The following SGCZ variants were observed in gnomAD, a reference collection of about 807,000 sequenced individuals.
SGCZ encodes the protein sarcoglycan zeta, also known as zeta-sarcoglycan.
SGCZ carries 40 observed loss-of-function variants against 41.3 expected under a neutral mutation model. The ratio of observed to expected loss-of-function variants is 0.97; its 90% CI spans 0.75 to 1.26. The LOEUF (loss-of-function observed/expected upper bound fraction) is 1.26. Among genes scored for constraint, SGCZ ranks in the 50% most tolerant of loss-of-function variants. SGCZ has a pLI of 0.00. For missense variants in SGCZ, 552 were observed against 369.8 expected, an observed-to-expected ratio of 1.49 and a Z score of -4.04; for synonymous variants, 206 against 137.5, an observed-to-expected ratio of 1.50 and a Z score of -3.49.
intron 1 of SGCZ, among the ~76,000 whole-genome samples, chr8:14,606,881 G>A (rs1216969108): frequency 6.6e-6 from 1 of 152,006 alleles, no homozygotes; most frequent in Admixed American, 6.6e-5. Context: ...TTACAGTTAA[G>A]ACTATTAAGT....
intron 3 of SGCZ, among the ~76,000 whole-genome samples, chr8:14,288,846 G>A (rs1800739791): frequency 6.6e-6 from 1 of 152,114 alleles, no homozygotes; most frequent in Non-Finnish European, 1.5e-5. Context: ...TCTTTTGGAT[G>A]ACTGTGAAAA....
At chr8:14,250,492 T>A (rs540119865) in intron 3 of SGCZ, among the ~76,000 whole-genome samples, 2 of 152,258 alleles carry the variant, frequency 1.3e-5, no homozygotes, top group South Asian at 4.2e-4. Context: ...AGAAGTGATA[T>A]AGGACATTTA....
chr8:14,831,327 G>C (rs752932863), intron 1 of SGCZ, among the ~76,000 whole-genome samples: 9 of 152,106 alleles, frequency 5.9e-5, no homozygotes, highest in Non-Finnish European at 1.3e-4. Context: ...TAAATAAATA[G>C]AAGAGGACTA....
At chr8:14,189,770 T>G (rs1046074082) in intron 4 of SGCZ, among the ~76,000 whole-genome samples, 4 of 152,134 alleles carry the variant, frequency 2.6e-5, no homozygotes, top group Admixed American at 2.0e-4. Flanking sequence ...TCTTATCACT[T>G]TTGTTTGCTT....
At chr8:14,192,781 G>A (rs556797154) in intron 4 of SGCZ, among the ~76,000 whole-genome samples, 8 of 151,760 alleles carry the variant, frequency 5.3e-5, no homozygotes, top group East Asian at 3.8e-4. Context: ...TCATGGCCAC[G>A]TTTACATTTA....
At chr8:14,135,975 G>GAGAT (rs1328616902) in intron 5 of SGCZ, among the ~76,000 whole-genome samples, 3 of 152,122 alleles carry the variant, frequency 2.0e-5, no homozygotes, top group African/African-American at 7.2e-5. Context: ...CTAGTTTTAT[G>GAGAT]AGATTGGTAG....
At chr8:15,092,315 A>G (rs1585553948) in intron 1 of SGCZ, among the ~76,000 whole-genome samples, 1 of 152,178 alleles carries the variant, frequency 6.6e-6, no homozygotes. Context: ...AGTATAATCA[A>G]TCCTTAGAAC....
intron 2 of SGCZ, among the ~76,000 whole-genome samples, chr8:14,409,904 G>C (rs759418277): frequency 6.6e-6 from 1 of 152,076 alleles, no homozygotes; most frequent in Non-Finnish European, 1.5e-5. Context: ...ATATATGGGA[G>C]GTAAAAATGT....
intron 1 of SGCZ, among the ~76,000 whole-genome samples, chr8:14,762,354 C>T (rs562069641): frequency 6.9e-6 from 1 of 143,918 alleles, no homozygotes; most frequent in East Asian, 2.1e-4. Flanking sequence ...CATCCTTATA[C>T]TGCCACTTAC....
intron 1 of SGCZ, among the ~76,000 whole-genome samples, chr8:15,145,030 T>C (rs1799000831): frequency 6.6e-6 from 1 of 152,212 alleles, no homozygotes; most frequent in Non-Finnish European, 1.5e-5. Context: ...ATTGTTCTCC[T>C]ACGAGTACTT....
chr8:14,211,383 C>T (rs541684149), intron 4 of SGCZ, among the ~76,000 whole-genome samples: 2 of 152,226 alleles, frequency 1.3e-5, no homozygotes, highest in African/African-American at 4.8e-5. Flanking sequence ...CTGACACCGT[C>T]CATACTTCTC....
At chr8:14,918,144 G>C (rs1209424160) in intron 1 of SGCZ, among the ~76,000 whole-genome samples, 1 of 152,112 alleles carries the variant, frequency 6.6e-6, no homozygotes, top group East Asian at 1.9e-4. Flanking sequence ...AAAATGAGGT[G>C]AATATCCTCG....
intron 1 of SGCZ, among the ~76,000 whole-genome samples, chr8:14,960,994 T>A (rs532732315): frequency 2.6e-5 from 4 of 151,326 alleles, no homozygotes; most frequent in Non-Finnish European, 5.9e-5. Flanking sequence ...AAAGCCAATT[T>A]TACATTTTAC....
At chr8:14,593,193 G>T (rs1805295110) in intron 1 of SGCZ, among the ~76,000 whole-genome samples, 1 of 152,134 alleles carries the variant, frequency 6.6e-6, no homozygotes. Flanking sequence ...TCTTGATAGA[G>T]TTTATCCTGG....
chr8:14,357,741 G>A (rs1365322968), intron 2 of SGCZ, among the ~76,000 whole-genome samples: 1 of 152,130 alleles, frequency 6.6e-6, no homozygotes, highest in Non-Finnish European at 1.5e-5. Context: ...GTAACATTAT[G>A]ATCTCTAATT....
chr8:14,673,562 G>T, intron 1 of SGCZ, among the ~76,000 whole-genome samples: 1 of 151,904 alleles, frequency 6.6e-6, no homozygotes, highest in East Asian at 1.9e-4. Flanking sequence ...CAATCCATGT[G>T]GAACTGTGAG....
intron 2 of SGCZ, among the ~76,000 whole-genome samples, chr8:14,419,443 T>C (rs946099910): frequency 6.6e-6 from 1 of 151,886 alleles, no homozygotes; most frequent in Admixed American, 6.6e-5. Flanking sequence ...ATTTTTTGTC[T>C]CATTATACTT....
At chr8:15,051,245 G>A (rs1261044001) in intron 1 of SGCZ, among the ~76,000 whole-genome samples, 1 of 152,150 alleles carries the variant, frequency 6.6e-6, no homozygotes, top group Non-Finnish European at 1.5e-5. Context: ...AATGGGGAAA[G>A]GACATGGGGA....
chr8:15,129,707 C>CAAAAAAAA lies in SGCZ; in HGVS notation c.39+107870_39+107877dup, dbSNP rs59401421. Among the ~76,000 whole-genome samples the CAAAAAAAA allele has an allele frequency of 2.8e-5, 3 of 107,870 alleles. 1 individual carries two copies. Among genetic ancestry groups the CAAAAAAAA allele is most frequent in the Non-Finnish European group, 5.5e-5 (3 of 54,318 alleles). 70.8% of individuals were successfully genotyped at this position (107,870 alleles called of 152,430 possible). ...TCGGGTAAAGTCAGAGAAGCATTTGCAAAAAAAAAAAAAAAAAATCACAGT... is the reference window on the plus strand; with the variant it reads ...TCGGGTAAAGTCAGAGAAGCATTTGCAAAAAAAAAAAAAAAAAAAAAAAAAATCACAGT... On this transcript the variant is annotated intron_variant, in intron 1 of 7. Coordinates refer to ENST00000382080, the MANE Select transcript of SGCZ (RefSeq NM_139167.4).
Sources: gnomAD v4.1 joint callset for allele counts (sites outside exome capture counted in the v4.1 genomes callset) on GRCh38, gnomAD v4.1.1 for gene constraint, MANE v1.5 for transcripts, NCBI Gene and HGNC (gene_info 2026-07-23, HGNC 2026-07-21) for gene names.